Variants in IL1RAP observed in about 807,000 individuals in gnomAD.
The protein encoded by IL1RAP is interleukin-1 receptor accessory protein.
A neutral mutation model predicts 60.7 loss-of-function variants in IL1RAP; 35 were observed. That is an observed-to-expected ratio of 0.58 (90% CI 0.44 to 0.76). IL1RAP has a LOEUF of 0.76. IL1RAP is among the 30% of genes least tolerant of loss of function. The probability of loss-of-function intolerance (pLI) is 0.00; values close to 1 mark genes in which losing one functional copy is unlikely to be tolerated. For missense variants in IL1RAP, 572 were observed against 693.9 expected (o/e 0.82, Z 1.97); for synonymous variants, 268 against 250.9 (o/e 1.07, Z -0.64).
At chr3:190,572,765 G>A (rs1382888757) in intron 3 of IL1RAP, among the ~76,000 whole-genome samples, 2 of 151,216 alleles carry the variant, frequency 1.3e-5, no homozygotes, top group Non-Finnish European at 2.9e-5. Context: ...AAAATGGTGA[G>A]AGAAAATAGA....
intron 1 of IL1RAP, among the ~76,000 whole-genome samples, chr3:190,546,892 C>T (rs1273911099): frequency 2.6e-5 from 4 of 152,200 alleles, no homozygotes; most frequent in Non-Finnish European, 5.9e-5. Flanking sequence ...CACGAAATAG[C>T]TTTGCATTGA....
At chr3:190,598,216 G>A (rs377501205) in intron 3 of IL1RAP, among the ~76,000 whole-genome samples, 1 of 152,134 alleles carries the variant, frequency 6.6e-6, no homozygotes, top group East Asian at 1.9e-4. Context: ...AACACGTGAA[G>A]AATATCTGTA....
chr3:190,552,842 C>A (rs1373631012), intron 1 of IL1RAP, among the ~76,000 whole-genome samples: 1 of 152,020 alleles, frequency 6.6e-6, no homozygotes, highest in Non-Finnish European at 1.5e-5. Flanking sequence ...AAACAAGGTC[C>A]AAGAAAAGGA....
intron 1 of IL1RAP, among the ~76,000 whole-genome samples, chr3:190,547,563 A>G (rs2108579412): frequency 6.6e-6 from 1 of 152,280 alleles, no homozygotes; most frequent in Non-Finnish European, 1.5e-5. Flanking sequence ...AAAACCTGGA[A>G]TATTATCTTT....
rs771545399 is a variant in IL1RAP, at chr3:190,648,716, G to A, written c.*11G>A. On this transcript the variant is annotated 3_prime_UTR_variant, in exon 12 of 12. Coordinates refer to ENST00000447382, the MANE Select transcript of IL1RAP (RefSeq NM_002182.4). ...TTGAAAAATGTATGAAAGGAATAAT[G>A]AAAAGGGTAAAAAGAACAAGGGGTG... 6.3e-7 allele frequency: 1 copy of A among 1,599,528 alleles called. No homozygotes were observed. The highest frequency in any genetic ancestry group is 1.1e-5 in the South Asian group (1 of 88,576).
chr3:190,591,997 G>A (rs1728982516), intron 3 of IL1RAP, among the ~76,000 whole-genome samples: 2 of 152,066 alleles, frequency 1.3e-5, no homozygotes, highest in African/African-American at 4.8e-5. Context: ...TACAGAAGAA[G>A]CATACTCAGA....
intron 1 of IL1RAP, among the ~76,000 whole-genome samples, chr3:190,531,853 A>G (rs911595998): frequency 1.3e-5 from 2 of 152,162 alleles, no homozygotes; most frequent in Non-Finnish European, 2.9e-5. Flanking sequence ...AGTTAATGAT[A>G]TTGAGACATG....
intron 3 of IL1RAP, among the ~76,000 whole-genome samples, chr3:190,603,247 G>A (rs973832482): frequency 3.3e-5 from 5 of 152,228 alleles, no homozygotes; most frequent in East Asian, 1.9e-4. Context: ...TCAAGTGATC[G>A]TTAAAAATAA....
At chr3:190,524,261 G>C (rs1248219545) in intron 1 of IL1RAP, among the ~76,000 whole-genome samples, 1 of 152,028 alleles carries the variant, frequency 6.6e-6, no homozygotes, top group Non-Finnish European at 1.5e-5. Flanking sequence ...TTAGACCTTT[G>C]TCAGAAGCAT....
intron 5 of IL1RAP, among the ~76,000 whole-genome samples, chr3:190,614,309 C>T (rs987354328): frequency 5.3e-5 from 8 of 151,648 alleles, no homozygotes; most frequent in African/African-American, 1.7e-4. Flanking sequence ...TTCCCGTTAT[C>T]TGAAAGATGA....
intron 3 of IL1RAP, among the ~76,000 whole-genome samples, chr3:190,569,582 C>A (rs534718378): frequency 7.6e-6 from 1 of 131,534 alleles, no homozygotes; most frequent in African/African-American, 2.9e-5. Context: ...CAGATCTCTT[C>A]ACTTTTTTTT....
intron 7 of IL1RAP, among the ~76,000 whole-genome samples, chr3:190,625,410 G>A (rs1732165301): frequency 6.6e-6 from 1 of 152,074 alleles, no homozygotes; most frequent in African/African-American, 2.4e-5. Context: ...CATCAGGGCG[G>A]GCAGCAAAGC....
At chr3:190,568,588 C>T (rs1331503385) in intron 3 of IL1RAP, among the ~76,000 whole-genome samples, 3 of 152,142 alleles carry the variant, frequency 2.0e-5, no homozygotes, top group African/African-American at 7.2e-5. Context: ...TTGAGAGATT[C>T]AAGTTCTGTT....
chr3:190,651,892 T>C (rs1188754223), downstream of IL1RAP, among the ~76,000 whole-genome samples: 1 of 152,138 alleles, frequency 6.6e-6, no homozygotes, highest in Non-Finnish European at 1.5e-5. Context: ...ATTATTTTAA[T>C]ACAAAGGAAA....
In IL1RAP at chr3:190,627,418, G is replaced by T; in HGVS notation, c.871G>T (p.Asp291Tyr). The T allele has an allele frequency of 6.2e-7, 1 of 1,613,184 alleles. No individual in the cohort carries two copies. Among genetic ancestry groups the T allele is most frequent in the Non-Finnish European group, 8.5e-7 (1 of 1,179,538 alleles). The change falls in exon 8 of 12, where the codon GAC becomes TAC. Residue 291 changes from aspartate to tyrosine, a missense_variant. Coordinates refer to ENST00000447382, the MANE Select transcript of IL1RAP (RefSeq NM_002182.4). ...WWTIDGKKPD[D>Y]ITIDVTINES... ...GACCATTGATGGAAAAAAACCTGATGACATCACTATTGATGTCACCATTAA... is the reference window on the plus strand; with the variant it reads ...GACCATTGATGGAAAAAAACCTGATTACATCACTATTGATGTCACCATTAA...
intron 9 of IL1RAP, among the ~76,000 whole-genome samples, chr3:190,642,955 A>G (rs1024052460): frequency 5.9e-5 from 9 of 152,222 alleles, no homozygotes; most frequent in African/African-American, 2.2e-4. Flanking sequence ...AAGCAACTAA[A>G]TAAAATTGTG....
chr3:190,541,471 T>C (rs1256637071), intron 1 of IL1RAP, among the ~76,000 whole-genome samples: 3 of 152,286 alleles, frequency 2.0e-5, no homozygotes, highest in African/African-American at 7.2e-5. Context: ...CCTATTTCAT[T>C]ATGTTTAACT....
At chr3:190,533,292 A>T (rs772667551) in intron 1 of IL1RAP, among the ~76,000 whole-genome samples, 1 of 152,220 alleles carries the variant, frequency 6.6e-6, no homozygotes, top group Non-Finnish European at 1.5e-5. Context: ...CACTAGAGAT[A>T]TTAAAAGAGG....
At chr3:190,619,265 T>G (rs1444156482) in intron 5 of IL1RAP, among the ~76,000 whole-genome samples, 1 of 152,162 alleles carries the variant, frequency 6.6e-6, no homozygotes, top group Admixed American at 6.5e-5. Context: ...TGAAACAGGA[T>G]TCTAGATATG....
Sources: gnomAD v4.1 joint callset for allele counts (sites outside exome capture counted in the v4.1 genomes callset) on GRCh38, gnomAD v4.1.1 for gene constraint, MANE v1.5 for transcripts, NCBI Gene and HGNC (gene_info 2026-07-23, HGNC 2026-07-21) for gene names.